The following KCND2 variants were observed in gnomAD, a reference collection of about 807,000 sequenced individuals.
KCND2 encodes the protein A-type voltage-gated potassium channel KCND2.
Under a neutral mutation model 54.4 loss-of-function variants are expected in KCND2, and 16 were observed. The observed-to-expected ratio is 0.29, with a 90% CI of 0.20 to 0.45. The LOEUF is 0.45. KCND2 is among the 20% of genes least tolerant of loss of function. The pLI is 1.00. For synonymous variants in KCND2, 317 were observed against 310.7 expected, an observed-to-expected ratio of 1.02 and a Z score of -0.21; for missense variants, 486 against 824.2, an observed-to-expected ratio of 0.59 and a Z score of 5.02.
chr7:120,567,892 C>T (rs1216672431), intron 1 of KCND2, among the ~76,000 whole-genome samples: 2 of 152,050 alleles, frequency 1.3e-5, no homozygotes, highest in East Asian at 3.9e-4. Context: ...ACCAGGTAGG[C>T]ACACAATTCT....
chr7:120,718,710 A>G (rs1287799954), intron 1 of KCND2, among the ~76,000 whole-genome samples: 1 of 152,194 alleles, frequency 6.6e-6, no homozygotes, highest in Non-Finnish European at 1.5e-5. Flanking sequence ...AAAATAATTT[A>G]GAAACAATTG....
chr7:120,687,675 C>T (rs1355545723), intron 1 of KCND2, among the ~76,000 whole-genome samples: 1 of 151,942 alleles, frequency 6.6e-6, no homozygotes, highest in African/African-American at 2.4e-5. Flanking sequence ...CATAAAAAAA[C>T]CCCATCATGT....
chr7:120,281,848 T>C (rs1042672086), intron 1 of KCND2, among the ~76,000 whole-genome samples: 1 of 152,218 alleles, frequency 6.6e-6, no homozygotes, highest in African/African-American at 2.4e-5. Context: ...AATAATCTGC[T>C]ACTCTTAAGC....
At chr7:120,504,800 T>C (rs1431829745) in intron 1 of KCND2, among the ~76,000 whole-genome samples, 2 of 151,300 alleles carry the variant, frequency 1.3e-5, no homozygotes, top group African/African-American at 4.8e-5. Context: ...CACAGATGCA[T>C]TTTTTTTGTA....
chr7:120,535,399 A>C (rs188025492), intron 1 of KCND2, among the ~76,000 whole-genome samples: 2 of 152,166 alleles, frequency 1.3e-5, no homozygotes, highest in African/African-American at 2.4e-5. Context: ...CCCTTATTTA[A>C]TAGGTGTTTC....
At chr7:120,436,409 C>A (rs1394487853) in intron 1 of KCND2, among the ~76,000 whole-genome samples, 4 of 152,114 alleles carry the variant, frequency 2.6e-5, no homozygotes, top group Non-Finnish European at 5.9e-5. Context: ...CCTTAGAATG[C>A]AATATTTGAT....
chr7:120,302,747 AT>A (rs1488532950), intron 1 of KCND2, among the ~76,000 whole-genome samples: 11 of 152,216 alleles, frequency 7.2e-5, no homozygotes, highest in Admixed American at 3.3e-4. Flanking sequence ...ATTTAAAAAC[AT>A]ATTTCTGAAA....
In KCND2 at chr7:120,273,894, AG is replaced by A. The variant is rs1799126943; in HGVS notation, c.-735del. On this transcript the variant is annotated 5_prime_UTR_variant, in exon 1 of 6. Coordinates refer to ENST00000331113, the MANE Select transcript of KCND2 (RefSeq NM_012281.3). ...TGAGCTGAACTTGAAAAGAGAGTGAAGGGGCGATTGGGCGAACGCTTTTGGC... is the reference window on the plus strand; with the variant it reads ...TGAGCTGAACTTGAAAAGAGAGTGAAGGGCGATTGGGCGAACGCTTTTGGC... 2 of 153,030 alleles carry A rather than the reference AG, an allele frequency of 1.3e-5. No homozygotes were observed. Among genetic ancestry groups the A allele is most frequent in the African/African-American group, 4.8e-5 (2 of 41,574 alleles). The allele number at this position is 153,030 out of a possible 1,614,324, so 9.5% of individuals were successfully genotyped here.
chr7:120,487,722 C>T (rs1012690827), intron 1 of KCND2, among the ~76,000 whole-genome samples: 4 of 152,154 alleles, frequency 2.6e-5, no homozygotes, highest in East Asian at 1.9e-4. Flanking sequence ...AGTATTTGGA[C>T]ACATCACCAT....
rs1327317018 is a variant in KCND2 at position 120,312,586 on chromosome 7, T to C, written c.1115+36839T>C. On this transcript the variant is annotated intron_variant, in intron 1 of 5. Transcript: ENST00000331113. ...TTTGATCTTTCTAAATTGACATTCA[T>C]GGCTATGGCGACAAAAATTCATACA... 3.3e-5 allele frequency among the ~76,000 whole-genome samples: 5 copies of C among 152,294 alleles called. No individual in the cohort carries two copies. In the East Asian group the frequency reaches 7.7e-4, roughly 24 times the overall value.
At chr7:120,728,279 CTTCTT>C (rs1792760990) in intron 1 of KCND2, among the ~76,000 whole-genome samples, 2 of 149,020 alleles carry the variant, frequency 1.3e-5, no homozygotes, top group African/African-American at 2.5e-5. Flanking sequence ...TTTCGTTCTT[CTTCTT>C]TTTTTTTTTT....
intron 1 of KCND2, among the ~76,000 whole-genome samples, chr7:120,481,300 T>C (rs534914910): frequency 6.6e-6 from 1 of 152,300 alleles, no homozygotes; most frequent in Admixed American, 6.5e-5. Flanking sequence ...GGCTGTTGCA[T>C]GGCTACTTTT....
At chr7:120,583,645 T>G (rs763918481) in intron 1 of KCND2, among the ~76,000 whole-genome samples, 1 of 152,100 alleles carries the variant, frequency 6.6e-6, no homozygotes, top group Non-Finnish European at 1.5e-5. Flanking sequence ...TGTTCTCTTC[T>G]TATAAAGACA....
chr7:120,594,770 C>T (rs1792713162), intron 1 of KCND2, among the ~76,000 whole-genome samples: 1 of 152,072 alleles, frequency 6.6e-6, no homozygotes, highest in African/African-American at 2.4e-5. Flanking sequence ...GTCTGTAATC[C>T]CAGCACTTTG....
rs1014195970 is a variant in KCND2 at position 120,712,786 on chromosome 7, C to G, written c.1116-20117C>G. On this transcript the variant is annotated intron_variant, in intron 1 of 5. Coordinates refer to ENST00000331113, the MANE Select transcript of KCND2 (RefSeq NM_012281.3). ...ACAGGTTTCTGAAGTGATGGCTCAG[C>G]CTAAATTTTCTGAACAAATGTGTAA... 3.3e-5 allele frequency among the ~76,000 whole-genome samples: 5 copies of G among 152,214 alleles called. No individual in the cohort carries two copies. In the South Asian group the frequency reaches 8.3e-4, roughly 25 times the overall value.
At chr7:120,716,149 A>G (rs921473685) in intron 1 of KCND2, among the ~76,000 whole-genome samples, 1 of 152,106 alleles carries the variant, frequency 6.6e-6, no homozygotes, top group African/African-American at 2.4e-5. Flanking sequence ...GGATGTTTCA[A>G]TAAGAAAGCC....
intron 1 of KCND2, among the ~76,000 whole-genome samples, chr7:120,457,424 A>G (rs1308505179): frequency 6.6e-6 from 1 of 152,204 alleles, no homozygotes; most frequent in Non-Finnish European, 1.5e-5. Flanking sequence ...TCCTTCTGCC[A>G]GATACCCTAA....
chr7:120,729,145 G>A (rs1169175747), intron 1 of KCND2, among the ~76,000 whole-genome samples: 1 of 152,136 alleles, frequency 6.6e-6, no homozygotes, highest in Non-Finnish European at 1.5e-5. Flanking sequence ...AAAGCAGCTG[G>A]TTTTGCCAGT....
intron 1 of KCND2, among the ~76,000 whole-genome samples, chr7:120,510,550 T>C: frequency 6.6e-6 from 1 of 152,082 alleles, no homozygotes; most frequent in Non-Finnish European, 1.5e-5. Flanking sequence ...CATTAATAAA[T>C]GTATACAATT....
Sources: allele counts gnomAD v4.1 joint callset (sites outside exome capture counted in the v4.1 genomes callset), GRCh38; gene constraint gnomAD v4.1.1; transcripts MANE v1.5; gene names NCBI Gene and HGNC (gene_info 2026-07-23, HGNC 2026-07-21).